SERPINF2: variants seen among roughly 807,000 people sequenced by gnomAD.
SERPINF2 encodes the protein serpin family F member 2, also known as alpha-2-antiplasmin.
A neutral mutation model predicts 45.0 loss-of-function variants in SERPINF2; 15 were observed. The ratio of observed to expected loss-of-function variants is 0.33; its 90% confidence interval spans 0.22 to 0.51. The LOEUF (loss-of-function observed/expected upper bound fraction) is 0.51, where lower values mean the gene tolerates loss of function less well. Among genes scored for constraint, SERPINF2 ranks in the 20% least tolerant of loss-of-function variants. SERPINF2 has a pLI of 0.97. For synonymous variants in SERPINF2, 283 were observed against 277.9 expected, an observed-to-expected ratio of 1.02 and a Z score of -0.18; for missense variants, 518 against 637.4, an observed-to-expected ratio of 0.81 and a Z score of 2.02.
At chr17:1,748,204 G>C (rs4790818) in intron 7 of SERPINF2, among the ~76,000 whole-genome samples, 33,940 of 151,434 alleles carry the variant, frequency 0.22, 3,822 homozygotes, top group South Asian at 0.39. Flanking sequence ...GGGAGGCTGA[G>C]GCAGGAGAAT....
chr17:1,754,695 G>GGGGGGGGC lies in SERPINF2; in HGVS notation c.*161_*162insGGGGGGGC. 3.2e-6 allele frequency: 1 copy of GGGGGGGGC among 316,614 alleles called. No individual in the cohort carries two copies. Among genetic ancestry groups the GGGGGGGGC allele is most frequent in the Admixed American group, 5.0e-5 (1 of 19,950 alleles). 19.6% of individuals were successfully genotyped at this position (316,614 alleles called of 1,614,324 possible). On this transcript the variant is annotated 3_prime_UTR_variant, in exon 10 of 10. Transcript: ENST00000453066. Reference sequence around the variant, plus strand: ...TTGGGGAGTTTAGGGTGGGGGGGGGGCGCGGCTGGGAGGAGGGCAGGCATC... The same window carrying GGGGGGGGC: ...TTGGGGAGTTTAGGGTGGGGGGGGGGGGGGGGGCCGCGGCTGGGAGGAGGGCAGGCATC...
intron 7 of SERPINF2, 141 bp from the exon 8 acceptor site, chr17:1,748,457 C>T: frequency 9.4e-7 from 1 of 1,065,614 alleles, no homozygotes; most frequent in African/African-American, 1.5e-5. Flanking sequence ...CCACCGCTGT[C>T]TCATCCTTGA....
intron 8 of SERPINF2, among the ~76,000 whole-genome samples, chr17:1,751,833 T>A (rs12941910): frequency 0.71 from 74,275 of 105,186 alleles, 26,394 homozygotes; most frequent in East Asian, 0.81. Context: ...GAGGGAGGTG[T>A]GGGAGGGTGG....
Position 1,754,789 on chromosome 17 carries a change from G to T in SERPINF2, c.*255G>T. 1 of 541,068 alleles carries T rather than the reference G, an allele frequency of 1.8e-6. No individual in the cohort carries two copies. The highest frequency in any genetic ancestry group is 3.2e-6 in the Non-Finnish European group (1 of 311,076). 33.5% of individuals were successfully genotyped at this position (541,068 alleles called of 1,614,324 possible). On this transcript the variant is annotated 3_prime_UTR_variant, in exon 10 of 10. Coordinates refer to ENST00000453066, the MANE Select transcript of SERPINF2 (RefSeq NM_000934.4). Reference sequence around the variant, plus strand: ...CAGAGGGTGTCCTGCACCGGGGCCTGGGCAGGAGGGAGGTGCTTCTAGTTC... The same window carrying T: ...CAGAGGGTGTCCTGCACCGGGGCCTTGGCAGGAGGGAGGTGCTTCTAGTTC...
chr17:1,746,428 ATT>A (rs373613742), intron 5 of SERPINF2, among the ~76,000 whole-genome samples: 13 of 138,480 alleles, frequency 9.4e-5, no homozygotes, highest in Admixed American at 1.4e-4. Flanking sequence ...CCTCCTGGTG[ATT>A]TTTTTTTTTT....
rs758161056 is a variant in SERPINF2 at position 1,745,198 on chromosome 17, GC to G, written c.90del (p.Leu31TrpfsTer5). 1 of 1,569,474 alleles carries G rather than the reference GC, an allele frequency of 6.4e-7. No homozygotes were observed. The highest frequency in any genetic ancestry group is 8.6e-7 in the Non-Finnish European group (1 of 1,157,460). ...SVFSPVSAME[P>X]LGRQLTSGPN... ...AGTTCTCCCCTGTGAGCGCCATGGA[GC>G]CCTTGGGCCGGCAGGTACTGGGGAG... On this transcript the variant is annotated frameshift_variant, in exon 3 of 10. Transcript: ENST00000453066. LOFTEE classifies it high-confidence loss of function. The surrounding 1 kb of genome is among the most constrained non-coding windows in gnomAD (Gnocchi z 6.2).
intron 1 of SERPINF2, chr17:1,744,625 C>G: frequency 1.0e-6 from 1 of 985,440 alleles, no homozygotes; most frequent in Non-Finnish European, 1.2e-6. Flanking sequence ...CGGGAAATGC[C>G]GAGGTCCTTT....
In SERPINF2 at chr17:1,745,146, A is replaced by G; in HGVS notation, c.64-29A>G. 1 of 1,582,916 alleles carries G rather than the reference A, an allele frequency of 6.3e-7. No individual in the cohort carries two copies. ...GGAGGGAGGGCTTGGCTCCGAGGGG[A>G]CCTCCTATCCTCATCCCTTTCTCCA... On this transcript the variant is annotated intron_variant, in intron 2 of 9. Transcript: ENST00000453066. The surrounding 1 kb of genome is among the most constrained non-coding windows in gnomAD (Gnocchi z 6.2).
Position 1,746,910 on chromosome 17 carries a change from G to A in SERPINF2, c.368-109G>A, listed in dbSNP as rs921477766. The stretch of plus-strand genomic sequence containing the variant: ...AGATCCGTGGCTGTGGAAGGATGGC[G>A]TGTGGTCCCGTGGACGTCCTCGTCA... On this transcript the variant is annotated intron_variant, in intron 5 of 9. Coordinates refer to ENST00000453066, the MANE Select transcript of SERPINF2 (RefSeq NM_000934.4). 3.2e-5 allele frequency: 45 copies of A among 1,385,856 alleles called. 1 individual carries two copies. The highest frequency in any genetic ancestry group is 5.1e-4 in the Middle Eastern group (2 of 3,952). The allele number at this position is 1,385,856 out of a possible 1,614,324, so 85.8% of individuals were successfully genotyped here.
At chr17:1,752,832 G>A in intron 9 of SERPINF2, 42 bp downstream of exon 9, 2 of 1,544,278 alleles carry the variant, frequency 1.3e-6, no homozygotes, top group Non-Finnish European at 8.8e-7. Flanking sequence ...GTCAGGCTGG[G>A]CAGGGCGGGT....
At position 1,754,565 on chromosome 17, in the gene SERPINF2, G is replaced by T; in HGVS notation, c.*31G>T. The T allele has an allele frequency of 6.3e-7, 1 of 1,594,438 alleles. No individual in the cohort carries two copies. The highest frequency in any genetic ancestry group is 8.5e-7 in the Non-Finnish European group (1 of 1,176,698). ...CGTGGCTGTGGCATCCAGAGTCCCTGCCTGGACCAGCCTCTCCACTCATGT... is the reference window on the plus strand; with the variant it reads ...CGTGGCTGTGGCATCCAGAGTCCCTTCCTGGACCAGCCTCTCCACTCATGT... On this transcript the variant is annotated 3_prime_UTR_variant, in exon 10 of 10. Coordinates refer to ENST00000453066, the MANE Select transcript of SERPINF2 (RefSeq NM_000934.4).
At chr17:1,744,944 G>C in intron 1 of SERPINF2, 48 bp from the exon 2 acceptor site, 1 of 1,612,264 alleles carries the variant, frequency 6.2e-7, no homozygotes, top group Non-Finnish European at 8.5e-7. Context: ...ATTCCCTGGC[G>C]GGCGTGGGGA....
Position 1,755,050 on chromosome 17 carries a change from G to C in SERPINF2, c.*516G>C, listed in dbSNP as rs1906736595. ...GGCCTAACCTGCCGAGAGTCCATCA[G>C]CCTCCATCCTACCCCCTGTGCCTTG... On this transcript the variant is annotated 3_prime_UTR_variant, in exon 10 of 10. Coordinates refer to ENST00000453066, the MANE Select transcript of SERPINF2 (RefSeq NM_000934.4). The surrounding 1 kb of genome is among the most constrained non-coding windows in gnomAD (Gnocchi z 4.2). 6.1e-6 allele frequency: 1 copy of C among 162,682 alleles called. No individual in the cohort carries two copies. Among genetic ancestry groups the C allele is most frequent in the African/African-American group, 2.4e-5 (1 of 41,652 alleles). 10.1% of individuals were successfully genotyped at this position (162,682 alleles called of 1,614,324 possible). A position where few individuals can be genotyped will look rare whatever the true frequency, so the allele number is the denominator to read the frequency against.
In SERPINF2 at chr17:1,754,405, T is replaced by C; in HGVS notation, c.1347T>C (p.Asp449=). 2 of 1,613,500 alleles carry C rather than the reference T, an allele frequency of 1.2e-6. No individual in the cohort carries two copies. Among genetic ancestry groups the C allele is most frequent in the Non-Finnish European group, 8.5e-7 (1 of 1,179,538 alleles). The change falls in exon 10 of 10, where the codon GAT becomes GAC. Residue 449 remains aspartate, a synonymous_variant. Transcript: ENST00000453066. ...SAPRELKEQQ[D]SPGNKDFLQS... ...CGCGGGAGCTCAAGGAACAGCAGGA[T>C]TCCCCGGGCAACAAGGACTTCCTCC...
In SERPINF2 at chr17:1,747,532, A is replaced by G. The variant is rs371366332; in HGVS notation, c.715+20A>G. ...TCCAGGGTGCGCTCCTCCTCCTCTCAGATCCCCCACCCTGTAGGCTGAGCT... is the reference window on the plus strand; with the variant it reads ...TCCAGGGTGCGCTCCTCCTCCTCTCGGATCCCCCACCCTGTAGGCTGAGCT... On this transcript the variant is annotated intron_variant, in intron 7 of 9. Coordinates refer to ENST00000453066, the MANE Select transcript of SERPINF2 (RefSeq NM_000934.4). 1.5e-5 allele frequency: 24 copies of G among 1,611,246 alleles called. No individual in the cohort carries two copies. The highest frequency in any genetic ancestry group is 1.6e-4 in the Middle Eastern group (1 of 6,082).
chr17:1,742,885 T>A lies in SERPINF2; in HGVS notation c.-28T>A. The A allele has an allele frequency of 3.0e-6, 3 of 984,620 alleles. No homozygotes were observed. Among genetic ancestry groups the A allele is most frequent in the Non-Finnish European group, 2.4e-6 (2 of 829,940 alleles). 61.0% of individuals were successfully genotyped at this position (984,620 alleles called of 1,614,324 possible). ...CAAGTGGGGCCAGAGGAACGTTGTGTGTGGCAGCAAGGAGCCCGCAGAGGT... is the reference window on the plus strand; with the variant it reads ...CAAGTGGGGCCAGAGGAACGTTGTGAGTGGCAGCAAGGAGCCCGCAGAGGT... On this transcript the variant is annotated 5_prime_UTR_variant, in exon 1 of 10. Transcript: ENST00000453066.
intron 1 of SERPINF2, among the ~76,000 whole-genome samples, chr17:1,743,793 C>T (rs1255173932): frequency 4.6e-5 from 7 of 150,942 alleles, no homozygotes; most frequent in African/African-American, 9.7e-5. Flanking sequence ...TGGAGCTCTG[C>T]GGTGGAGGCT....
intron 8 of SERPINF2, 62 bp from the exon 9 acceptor site, chr17:1,752,523 GC>G (rs1906489845): frequency 2.0e-6 from 3 of 1,493,462 alleles, no homozygotes; most frequent in Non-Finnish European, 2.8e-6. Flanking sequence ...GCACCTGCTG[GC>G]CCCACCCCCA....
rs1906637858 is a variant in SERPINF2 at position 1,754,226 on chromosome 17, G to A, written c.1168G>A (p.Gly390Ser). 4 of 1,613,840 alleles carry A rather than the reference G, an allele frequency of 2.5e-6. No homozygotes were observed. Among genetic ancestry groups the A allele is most frequent in the Middle Eastern group, 1.6e-4 (1 of 6,080 alleles). ...GTCCACCCTGGAGCTCAGCGAGGTC[G>A]GCGTGGAGGCGGCGGCGGCCACCAG... ...HQSTLELSEV[G>S]VEAAAATSIA... The change falls in exon 10 of 10, where the codon GGC becomes AGC. Residue 390 changes from glycine (G) to serine (S), a missense_variant. Around this residue, in one of 2 missense-constraint regions of SERPINF2, gnomAD observed 435 missense variants for 577.3 expected, o/e 0.75. Coordinates refer to ENST00000453066, the MANE Select transcript of SERPINF2 (RefSeq NM_000934.4).
Sources: allele counts gnomAD v4.1 joint callset (sites outside exome capture counted in the v4.1 genomes callset), GRCh38; gene constraint gnomAD v4.1.1; regional missense constraint gnomAD v4.1.1; non-coding constraint Gnocchi (gnomAD v3.1); transcripts MANE v1.5; gene names NCBI Gene and HGNC (gene_info 2026-07-23, HGNC 2026-07-21).